The following LINGO2 variants were observed in gnomAD, a reference collection of about 807,000 sequenced individuals.
LINGO2 encodes the protein leucine-rich repeat and immunoglobulin-like domain-containing nogo receptor-interacting protein 2.
In LINGO2, 14 loss-of-function variants were observed where a neutral mutation model predicts 30.6. The observed-to-expected ratio is 0.46, with a 90% CI of 0.30 to 0.72. The LOEUF (loss-of-function observed/expected upper bound fraction) is 0.72, where lower values mean the gene tolerates loss of function less well. Among genes scored for constraint, LINGO2 ranks in the 30% least tolerant of loss-of-function variants. The probability of loss-of-function intolerance (pLI) is 0.07; values close to 1 mark genes in which losing one functional copy is unlikely to be tolerated. For missense variants in LINGO2, 729 were observed against 751.7 expected, an observed-to-expected ratio of 0.97 and a Z score of 0.35; for synonymous variants, 317 against 288.5, an observed-to-expected ratio of 1.10 and a Z score of -1.00.
the LINGO2 span, among the ~76,000 whole-genome samples, chr9:29,055,948 A>ATATATGTGTATATATATATATG: frequency 6.7e-6 from 1 of 149,244 alleles, no homozygotes; most frequent in African/African-American, 2.5e-5. Flanking sequence ...GTGTATATAT[A>ATATATGTGTATATATATATATG]CATATATATG....
chr9:28,460,799 G>A (rs1587704966), intron 2 of LINGO2, among the ~76,000 whole-genome samples: 2 of 152,210 alleles, frequency 1.3e-5, no homozygotes, highest in Admixed American at 1.3e-4. Context: ...CAGCCTGGAG[G>A]GCAAGTGTGT....
At chr9:28,867,859 G>A in the LINGO2 span, among the ~76,000 whole-genome samples, 27 of 151,802 alleles carry the variant, frequency 1.8e-4, no homozygotes, top group South Asian at 5.6e-3. Flanking sequence ...AAGAAAATTA[G>A]GTAAAAACAT....
chr9:28,516,626 T>TA (rs1419698516), intron 1 of LINGO2, among the ~76,000 whole-genome samples: 8 of 152,174 alleles, frequency 5.3e-5, no homozygotes, highest in African/African-American at 1.9e-4. Context: ...AATGAAATTT[T>TA]AAAAAAATTT....
chr9:29,196,209 C>T, the LINGO2 span, among the ~76,000 whole-genome samples: 1 of 152,176 alleles, frequency 6.6e-6, no homozygotes, highest in Admixed American at 6.5e-5. Flanking sequence ...AACTTACTTA[C>T]ATATGCTTCC....
the LINGO2 span, among the ~76,000 whole-genome samples, chr9:29,144,304 G>A: frequency 5.9e-5 from 9 of 152,148 alleles, no homozygotes; most frequent in Admixed American, 5.2e-4. Flanking sequence ...TAGAACGTCA[G>A]TGGAAGTTTA....
intron 3 of LINGO2, among the ~76,000 whole-genome samples, chr9:28,326,538 C>T (rs1284990296): frequency 6.6e-6 from 1 of 152,152 alleles, no homozygotes; most frequent in Non-Finnish European, 1.5e-5. Context: ...ATAGTAATTA[C>T]TGTATTTGTT....
chr9:28,497,065 G>A (rs1053461079), intron 1 of LINGO2, among the ~76,000 whole-genome samples: 3 of 152,264 alleles, frequency 2.0e-5, no homozygotes, highest in East Asian at 3.9e-4. Flanking sequence ...TGGGTAACCC[G>A]ACCTTTCTCT....
chr9:28,854,445 A>G, the LINGO2 span, among the ~76,000 whole-genome samples: 1 of 152,010 alleles, frequency 6.6e-6, no homozygotes, highest in South Asian at 2.1e-4. Context: ...CTTGTGCTTT[A>G]ATGTCTTTGT....
intron 5 of LINGO2, among the ~76,000 whole-genome samples, chr9:27,991,425 T>C (rs1821393741): frequency 6.6e-6 from 1 of 152,030 alleles, no homozygotes; most frequent in African/African-American, 2.4e-5. Context: ...GCAATCTGTG[T>C]TCAGATGATA....
chr9:28,715,703 C>A, the LINGO2 span, among the ~76,000 whole-genome samples: 1 of 152,034 alleles, frequency 6.6e-6, no homozygotes, highest in African/African-American at 2.4e-5. Context: ...AAAATATCTA[C>A]TATGATTATT....
the LINGO2 span, among the ~76,000 whole-genome samples, chr9:28,792,331 A>C: frequency 2.0e-5 from 3 of 151,998 alleles, no homozygotes; most frequent in African/African-American, 7.2e-5. Flanking sequence ...TTTAACCATA[A>C]ATCCCCGAAT....
chr9:28,598,430 A>AAAC (rs1554643661), intron 1 of LINGO2, among the ~76,000 whole-genome samples: 29 of 132,704 alleles, frequency 2.2e-4, no homozygotes, highest in East Asian at 3.9e-4. Context: ...AAAAAAAAAA[A>AAAC]AAAACAAAAC....
chr9:28,438,062 T>C (rs1055772548), intron 2 of LINGO2, among the ~76,000 whole-genome samples: 7 of 152,178 alleles, frequency 4.6e-5, no homozygotes, highest in Admixed American at 3.9e-4. Flanking sequence ...TTTTCTCCTT[T>C]CCTTGTCACA....
intron 4 of LINGO2, among the ~76,000 whole-genome samples, chr9:28,040,113 T>C (rs1429050778): frequency 6.6e-6 from 1 of 152,218 alleles, no homozygotes; most frequent in Non-Finnish European, 1.5e-5. Flanking sequence ...AATCAAATGT[T>C]GAATGATTAT....
At chr9:28,321,324 C>A (rs1825033808) in intron 3 of LINGO2, among the ~76,000 whole-genome samples, 1 of 152,050 alleles carries the variant, frequency 6.6e-6, no homozygotes, top group Non-Finnish European at 1.5e-5. Context: ...ATCATTCAGC[C>A]CACAAGATAT....
intron 1 of LINGO2, among the ~76,000 whole-genome samples, chr9:28,553,022 C>A (rs561856811): frequency 6.6e-6 from 1 of 151,854 alleles, no homozygotes; most frequent in African/African-American, 2.4e-5. Context: ...TTGTTTTAGT[C>A]TCTTTGGTAT....
chr9:28,086,611 G>C (rs1195210442), intron 4 of LINGO2, among the ~76,000 whole-genome samples: 2 of 151,876 alleles, frequency 1.3e-5, no homozygotes, highest in African/African-American at 4.8e-5. Flanking sequence ...AAAGTTAAAA[G>C]CTCTGAATTT....
chr9:28,068,592 T>C (rs55938934), intron 4 of LINGO2, among the ~76,000 whole-genome samples: 6,892 of 152,290 alleles, frequency 0.045, 193 homozygotes, highest in Middle Eastern at 0.1. Context: ...ACATACTTAG[T>C]AGTAATAACT....
the LINGO2 span, among the ~76,000 whole-genome samples, chr9:29,136,598 T>A: frequency 2.0e-5 from 3 of 152,226 alleles, no homozygotes; most frequent in African/African-American, 4.8e-5. Flanking sequence ...CACTTCTCTC[T>A]GCTAATTTTC....
Sources: allele counts gnomAD v4.1 joint callset (sites outside exome capture counted in the v4.1 genomes callset), GRCh38; gene constraint gnomAD v4.1.1; transcripts MANE v1.5; gene names NCBI Gene and HGNC (gene_info 2026-07-23, HGNC 2026-07-21).